Variants in EXOC6 observed in about 807,000 individuals in gnomAD.
EXOC6 encodes SEC15-like 1.
A neutral mutation model predicts 112.5 loss-of-function variants in EXOC6; 60 were observed. That is an observed-to-expected ratio of 0.53 (90% CI 0.43 to 0.66). The LOEUF is 0.66. Among genes scored for constraint, EXOC6 ranks in the 30% least tolerant of loss-of-function variants. The probability of loss-of-function intolerance (pLI) is 0.00; values close to 1 mark genes in which losing one functional copy is unlikely to be tolerated. For synonymous variants in EXOC6, 295 were observed against 308.0 expected, an observed-to-expected ratio of 0.96 and a Z score of 0.44; for missense variants, 855 against 957.1, an observed-to-expected ratio of 0.89 and a Z score of 1.41.
chr10:93,037,424 A>C (rs1449078973), intron 20 of EXOC6, among the ~76,000 whole-genome samples: 1 of 147,884 alleles, frequency 6.8e-6, no homozygotes, highest in Admixed American at 6.8e-5. Flanking sequence ...GGGCCACTAC[A>C]TCCAGCCCTA....
At chr10:92,934,279 T>A in intron 10 of EXOC6, 31 bp from the exon 11 acceptor site, 3 of 1,558,774 alleles carry the variant, frequency 1.9e-6, no homozygotes, top group Non-Finnish European at 2.6e-6. Flanking sequence ...TTTTTTTTTT[T>A]AACACATGCT....
chr10:92,832,255 T>C (rs1318066100), upstream of EXOC6, among the ~76,000 whole-genome samples: 1 of 152,226 alleles, frequency 6.6e-6, no homozygotes, highest in Non-Finnish European at 1.5e-5. Context: ...TTCTTGAGTA[T>C]CTACTATAAC....
chr10:92,847,622 T>C (rs1299334112), upstream of EXOC6, among the ~76,000 whole-genome samples: 2 of 152,204 alleles, frequency 1.3e-5, no homozygotes, highest in African/African-American at 4.8e-5. Flanking sequence ...GCTTTGATCA[T>C]GACAAACTGG....
At chr10:93,016,604 A>G (rs991183216) in intron 20 of EXOC6, among the ~76,000 whole-genome samples, 1 of 152,234 alleles carries the variant, frequency 6.6e-6, no homozygotes, top group African/African-American at 2.4e-5. Context: ...TCGATATAAG[A>G]AAATCATGTG....
chr10:92,986,071 A>G (rs1842993208), intron 18 of EXOC6, among the ~76,000 whole-genome samples: 1 of 152,108 alleles, frequency 6.6e-6, no homozygotes, highest in African/African-American at 2.4e-5. Context: ...GATGTGATTT[A>G]TTGAATCTAA....
chr10:92,964,800 C>T (rs1841977377), intron 17 of EXOC6, among the ~76,000 whole-genome samples: 1 of 152,154 alleles, frequency 6.6e-6, no homozygotes, highest in Non-Finnish European at 1.5e-5. Context: ...TCCAGAGTCT[C>T]TCCATCTTTT....
At chr10:93,047,803 G>C (rs1334229423) in intron 20 of EXOC6, among the ~76,000 whole-genome samples, 1 of 152,046 alleles carries the variant, frequency 6.6e-6, no homozygotes, top group Admixed American at 6.5e-5. Context: ...AAGATTAGCT[G>C]GGTGTGGTGG....
At chr10:92,910,922 C>T (rs769422223) in intron 6 of EXOC6, among the ~76,000 whole-genome samples, 3 of 47,970 alleles carry the variant, frequency 6.3e-5, no homozygotes, top group Non-Finnish European at 1.2e-4. Flanking sequence ...GAGCGAGACT[C>T]TGTCTCAATA....
At chr10:92,986,360 A>G (rs1436805150) in intron 18 of EXOC6, among the ~76,000 whole-genome samples, 1 of 152,216 alleles carries the variant, frequency 6.6e-6, no homozygotes, top group Admixed American at 6.5e-5. Flanking sequence ...AAGTTAATCT[A>G]GAAAAAAGTT....
chr10:92,901,835 T>TCA (rs1564815073), intron 5 of EXOC6: 7 of 84,964 alleles, frequency 8.2e-5, no homozygotes, highest in African/African-American at 3.2e-4. Context: ...CCATCTCTAC[T>TCA]GAAAAAAAAA....
At chr10:93,048,396 T>C (rs900439294) in intron 20 of EXOC6, among the ~76,000 whole-genome samples, 1 of 152,014 alleles carries the variant, frequency 6.6e-6, no homozygotes, top group Admixed American at 6.6e-5. Context: ...TAAAAAAAAT[T>C]GATAAGAATT....
chr10:93,050,407 C>T (rs1440843188), intron 20 of EXOC6, among the ~76,000 whole-genome samples: 4 of 151,330 alleles, frequency 2.6e-5, no homozygotes, highest in Non-Finnish European at 5.9e-5. Context: ...AAAAATTAGC[C>T]GGGCGTGGTG....
chr10:92,856,558 T>C (rs1847610940), intron 1 of EXOC6, among the ~76,000 whole-genome samples: 1 of 152,208 alleles, frequency 6.6e-6, no homozygotes, highest in South Asian at 2.1e-4. Context: ...GATAATAATT[T>C]GTATGACTTC....
At chr10:92,921,870 T>G (rs1043310956) in intron 8 of EXOC6, among the ~76,000 whole-genome samples, 5 of 152,080 alleles carry the variant, frequency 3.3e-5, no homozygotes, top group African/African-American at 1.2e-4. Context: ...TGTTTTATGC[T>G]GTAAATTTAA....
In EXOC6 at chr10:93,058,535, ATAC is replaced by A. The variant is rs1201208320; in HGVS notation, c.*183_*185del. 8 of 434,422 alleles carry A rather than the reference ATAC, an allele frequency of 1.8e-5. No individual in the cohort carries two copies. Among genetic ancestry groups the A allele is most frequent in the Admixed American group, 4.4e-5 (1 of 22,534 alleles). 26.9% of individuals were successfully genotyped at this position (434,422 alleles called of 1,614,324 possible). On this transcript the variant is annotated 3_prime_UTR_variant, in exon 22 of 22. Coordinates refer to ENST00000260762, the MANE Select transcript of EXOC6 (RefSeq NM_019053.6). ...TTTGTATGGATTTTTAAATAATCGAATACTATTTTATATATGGAAAAAAATGAC... is the reference window on the plus strand; with the variant it reads ...TTTGTATGGATTTTTAAATAATCGAATATTTTATATATGGAAAAAAATGAC...
At chr10:93,046,813 G>A (rs2134354062) in intron 20 of EXOC6, among the ~76,000 whole-genome samples, 1 of 152,140 alleles carries the variant, frequency 6.6e-6, no homozygotes, top group South Asian at 2.1e-4. Flanking sequence ...GGCCAGGCTG[G>A]TCTTGAACTC....
At chr10:92,929,005 T>C (rs1281501977) in intron 9 of EXOC6, among the ~76,000 whole-genome samples, 2 of 152,212 alleles carry the variant, frequency 1.3e-5, no homozygotes, top group African/African-American at 2.4e-5. Flanking sequence ...AATGAAACAC[T>C]GAATATAGCT....
intron 19 of EXOC6, among the ~76,000 whole-genome samples, chr10:92,998,495 A>G (rs1843595027): frequency 6.6e-6 from 1 of 152,140 alleles, no homozygotes; most frequent in African/African-American, 2.4e-5. Flanking sequence ...AGCAGAAATG[A>G]CTGATTTTTT....
At chr10:92,983,429 C>A (rs530306283) in intron 18 of EXOC6, among the ~76,000 whole-genome samples, 7 of 151,598 alleles carry the variant, frequency 4.6e-5, no homozygotes, top group African/African-American at 1.7e-4. Flanking sequence ...AAGTAGCAAC[C>A]TTTCCCTTCC....
Sources: allele counts gnomAD v4.1 joint callset (sites outside exome capture counted in the v4.1 genomes callset), GRCh38; gene constraint gnomAD v4.1.1; transcripts MANE v1.5; gene names NCBI Gene and HGNC (gene_info 2026-07-23, HGNC 2026-07-21).